Variants in LETM1 observed in about 807,000 individuals in gnomAD.
LETM1 encodes the protein leucine zipper and EF-hand containing transmembrane protein 1.
Under a neutral mutation model 74.5 loss-of-function variants are expected in LETM1, and 50 were observed. The ratio of observed to expected loss-of-function variants is 0.67; its 90% CI spans 0.53 to 0.85. The LOEUF (loss-of-function observed/expected upper bound fraction) is 0.85, where lower values mean the gene tolerates loss of function less well. Among genes scored for constraint, LETM1 ranks in the 40% least tolerant of loss-of-function variants. LETM1 has a pLI of 0.00. For missense variants in LETM1, 824 were observed against 967.8 expected (o/e 0.85, Z 1.97); for synonymous variants, 446 against 407.1 (o/e 1.10, Z -1.15).
In LETM1 at chr4:1,823,625, G is replaced by A; in HGVS notation, c.1332+19C>T. On this transcript the variant is annotated intron_variant, in intron 8 of 13. Transcript: ENST00000302787. Reference sequence around the variant, plus strand: ...ACCTATGAAGAGATGAGGTAAAAGGGGTCTCCGACAGCACGTACCACAATC... The same window carrying A: ...ACCTATGAAGAGATGAGGTAAAAGGAGTCTCCGACAGCACGTACCACAATC... 1.2e-6 allele frequency: 2 copies of A among 1,612,596 alleles called. No homozygotes were observed. Among genetic ancestry groups the A allele is most frequent in the Non-Finnish European group, 1.7e-6 (2 of 1,179,714 alleles).
chr4:1,826,119 C>A (rs1453565714), intron 6 of LETM1, among the ~76,000 whole-genome samples: 2 of 152,226 alleles, frequency 1.3e-5, no homozygotes, highest in African/African-American at 4.8e-5. Context: ...AGCCCAAGGT[C>A]ACTGTGACAC....
intron 2 of LETM1, among the ~76,000 whole-genome samples, chr4:1,847,739 G>A (rs1490467166): frequency 2.7e-5 from 4 of 149,032 alleles, no homozygotes; most frequent in African/African-American, 9.9e-5. Flanking sequence ...CAGGAGAATC[G>A]CTTGAACCCG....
rs1219480158 is a variant in LETM1, at chr4:1,836,162, G to A, written c.738+267C>T. Among the ~76,000 whole-genome samples, 1 of 152,078 alleles carries A rather than the reference G, an allele frequency of 6.6e-6. No homozygotes were observed. Among genetic ancestry groups the A allele is most frequent in the Non-Finnish European group, 1.5e-5 (1 of 68,006 alleles). Reference sequence around the variant, plus strand: ...CCGGGAGGCAGAGGTTGTATGCAGTGAGACAAGATCGCACTGCTGCACTCC... The same window carrying A: ...CCGGGAGGCAGAGGTTGTATGCAGTAAGACAAGATCGCACTGCTGCACTCC... On this transcript the variant is annotated intron_variant, in intron 4 of 13. Transcript: ENST00000302787. The surrounding 1 kb of genome is among the most constrained non-coding windows in gnomAD (Gnocchi z 5.8).
chr4:1,853,577 G>C (rs1035471453), intron 1 of LETM1, among the ~76,000 whole-genome samples: 1 of 152,194 alleles, frequency 6.6e-6, no homozygotes, highest in African/African-American at 2.4e-5. Flanking sequence ...AGCTGTCAAG[G>C]TCACTGCAGA....
Position 1,841,417 on chromosome 4 carries a change from G to A in LETM1, c.524C>T (p.Thr175Ile). ...YHGFRLLWID[T>I]KIAARMLWRI... ...CCAGAGCATGCGTGCCGCGATCTTG[G>A]TGTCGATCCATAGCAGGCGGAAGCC... Residue 175 changes from threonine to isoleucine, a missense_variant, in exon 3 of 14, where the codon ACC becomes ATC. Physicochemically the swap from Thr to Ile is moderately conservative, Grantham distance 89 (BLOSUM62 -1). This residue lies in a region of LETM1 where 269 missense variants were observed against 348.8 expected (regional missense o/e 0.77). Transcript: ENST00000302787. 6.2e-7 allele frequency: 1 copy of A among 1,614,230 alleles called. No homozygotes were observed. The highest frequency in any genetic ancestry group is 1.7e-5 in the Admixed American group (1 of 60,034).
At chr4:1,841,826 G>C (rs1712711525) in intron 2 of LETM1, 29 bp from the exon 3 acceptor site, 9 of 1,537,784 alleles carry the variant, frequency 5.9e-6, no homozygotes, top group Non-Finnish European at 8.0e-6. Flanking sequence ...GAAAACAGTA[G>C]TAAGAGCCAG....
intron 2 of LETM1, among the ~76,000 whole-genome samples, chr4:1,845,952 G>A (rs920252636): frequency 6.6e-6 from 1 of 151,896 alleles, no homozygotes; most frequent in Non-Finnish European, 1.5e-5. Context: ...CCACCTCCTG[G>A]GTTCAAGGGA....
At chr4:1,854,479 CAA>C (rs538075828) in intron 1 of LETM1, among the ~76,000 whole-genome samples, 19 of 100,412 alleles carry the variant, frequency 1.9e-4, no homozygotes, top group Admixed American at 2.2e-4. Context: ...GACTCCATTT[CAA>C]AAAAAAAAAA....
At chr4:1,855,320 G>A (rs1275820884) in intron 1 of LETM1, among the ~76,000 whole-genome samples, 1 of 152,240 alleles carries the variant, frequency 6.6e-6, no homozygotes, top group Non-Finnish European at 1.5e-5. Flanking sequence ...CTAAAGCCAC[G>A]CACCCTGAGG....
intron 6 of LETM1, among the ~76,000 whole-genome samples, chr4:1,826,479 A>C (rs923357736): frequency 1.3e-5 from 2 of 152,202 alleles, no homozygotes; most frequent in Non-Finnish European, 2.9e-5. Flanking sequence ...CCACCCACCC[A>C]GTCAAGACAG....
chr4:1,827,847 A>G (rs1712054850), intron 6 of LETM1, among the ~76,000 whole-genome samples: 1 of 148,644 alleles, frequency 6.7e-6, no homozygotes, highest in Admixed American at 6.6e-5. Flanking sequence ...GGGGCTCCTC[A>G]CTTCCCAGTA....
At chr4:1,820,898 C>A (rs1431247198) in intron 10 of LETM1, among the ~76,000 whole-genome samples, 1 of 151,922 alleles carries the variant, frequency 6.6e-6, no homozygotes, top group African/African-American at 2.4e-5. Flanking sequence ...GTGGTGGGCA[C>A]CTATAATCCC....
rs1713223257 is a variant in LETM1 at position 1,855,849 on chromosome 4, C to G, written c.82+20G>C. 16 of 1,221,836 alleles carry G rather than the reference C, an allele frequency of 1.3e-5. No homozygotes were observed. The East Asian group carries it at 5.1e-4, about 39-fold the overall frequency. The allele number at this position is 1,221,836 out of a possible 1,614,324, so 75.7% of individuals were successfully genotyped here. Reference sequence around the variant, plus strand: ...CCACCAGCCGGGAGCCGGCCCCGCCCTGGGGTGCCCGCCGCTTACCCCGCG... The same window carrying G: ...CCACCAGCCGGGAGCCGGCCCCGCCGTGGGGTGCCCGCCGCTTACCCCGCG... On this transcript the variant is annotated intron_variant, in intron 1 of 13. Coordinates refer to ENST00000302787, the MANE Select transcript of LETM1 (RefSeq NM_012318.3).
chr4:1,826,988 C>T (rs1052033290), intron 6 of LETM1, among the ~76,000 whole-genome samples: 7 of 152,156 alleles, frequency 4.6e-5, no homozygotes, highest in African/African-American at 1.4e-4. Context: ...CTCGCATCGT[C>T]GCCTCCACCC....
intron 6 of LETM1, among the ~76,000 whole-genome samples, chr4:1,830,347 T>C (rs981388461): frequency 3.9e-5 from 6 of 152,364 alleles, no homozygotes; most frequent in African/African-American, 1.2e-4. Context: ...TTCAAATTTT[T>C]TTGAGAGACA....
In LETM1 at chr4:1,823,790, A is replaced by G. The variant is rs764934410; in HGVS notation, c.1201-15T>C. ...AGGTCCAGCCACTGCAACCAAGGCC[A>G]GGTTCAGCAGATGGGCAGCCCCCCA... On this transcript the variant is annotated splice_polypyrimidine_tract_variant and intron_variant, in intron 7 of 13. Transcript: ENST00000302787. The G allele has an allele frequency of 2.5e-6, 4 of 1,599,152 alleles. No homozygotes were observed. The highest frequency in any genetic ancestry group is 2.6e-6 in the Non-Finnish European group (3 of 1,171,438).
Position 1,812,365 on chromosome 4 carries a change from A to T in LETM1, c.*2059T>A, listed in dbSNP as rs11736298. 3.5e-4 allele frequency: 2 copies of T among 5,714 alleles called. No homozygotes were observed. Among genetic ancestry groups the T allele is most frequent in the Non-Finnish European group, 9.2e-4 (2 of 2,180 alleles). The allele number at this position is 5,714 out of a possible 1,614,324, so 0.4% of individuals were successfully genotyped here. On this transcript the variant is annotated 3_prime_UTR_variant, in exon 14 of 14. Coordinates refer to ENST00000302787, the MANE Select transcript of LETM1 (RefSeq NM_012318.3). ...GGGTGACAGAGCGAGACTCTGTATC[A>T]AAAAAAAAAAAAAAAAAAAAAAAAA...
rs117750225 is a variant in LETM1, at chr4:1,825,269, C to T, written c.1200+295G>A. 6.6e-5 allele frequency among the ~76,000 whole-genome samples: 10 copies of T among 152,368 alleles called. No individual in the cohort carries two copies. The East Asian group carries it at 1.9e-3, about 29-fold the overall frequency. On this transcript the variant is annotated intron_variant, in intron 7 of 13. Transcript: ENST00000302787. ...CTCAGAGGTGAACTCCAGTCCTCAT[C>T]TGACTACAGATAACCAAAATAGTAA... is the stretch of plus-strand genomic sequence containing the variant.
At chr4:1,851,891 T>C (rs1294706574) in intron 1 of LETM1, among the ~76,000 whole-genome samples, 1 of 152,190 alleles carries the variant, frequency 6.6e-6, no homozygotes, top group Non-Finnish European at 1.5e-5. Context: ...GCTCCCTTAC[T>C]AGGCTCTCCC....
Sources: gnomAD v4.1 joint callset for allele counts (sites outside exome capture counted in the v4.1 genomes callset) on GRCh38, gnomAD v4.1.1 for gene constraint, gnomAD v4.1.1 regional missense constraint, Gnocchi (gnomAD v3.1) non-coding constraint, MANE v1.5 for transcripts, NCBI Gene and HGNC (gene_info 2026-07-23, HGNC 2026-07-21) for gene names.